NOD2: variants seen among roughly 807,000 people sequenced by gnomAD.
NOD2 encodes the protein nucleotide binding oligomerization domain containing 2, also known as nucleotide-binding oligomerization domain-containing protein 2.
Under a neutral mutation model 90.9 loss-of-function variants are expected in NOD2, and 86 were observed. That is an observed-to-expected ratio of 0.95 (90% CI 0.79 to 1.13). The LOEUF (loss-of-function observed/expected upper bound fraction) is 1.13, where lower values mean the gene tolerates loss of function less well. Among genes scored for constraint, NOD2 ranks in the 50% most tolerant of loss-of-function variants. The probability of loss-of-function intolerance (pLI) is 0.00; values close to 1 mark genes in which losing one functional copy is unlikely to be tolerated. For synonymous variants in NOD2, 581 were observed against 554.6 expected (o/e 1.05, Z -0.67); for missense variants, 1,238 against 1,283.8 (o/e 0.96, Z 0.55).
chr16:50,705,676 GCTGATCATTC>G (rs1489710883), intron 2 of NOD2, among the ~76,000 whole-genome samples: 4 of 152,150 alleles, frequency 2.6e-5, no homozygotes, highest in African/African-American at 2.4e-5. Context: ...GGTCCCTCAT[GCTGATCATTC>G]CAGAGCCCTT....
chr16:50,709,053 T>A (rs1490513593), intron 3 of NOD2, among the ~76,000 whole-genome samples: 2 of 152,206 alleles, frequency 1.3e-5, no homozygotes, highest in Admixed American at 6.5e-5. Flanking sequence ...AATGACATTT[T>A]TTTTTTCTGG....
intron 4 of NOD2, among the ~76,000 whole-genome samples, chr16:50,713,848 G>C (rs1333018250): frequency 6.6e-6 from 1 of 152,174 alleles, no homozygotes; most frequent in Non-Finnish European, 1.5e-5. Context: ...CCTTCCACCA[G>C]CTGGACCCAT....
At chr16:50,709,584 A>C (rs1964365803) in intron 3 of NOD2, among the ~76,000 whole-genome samples, 1 of 152,186 alleles carries the variant, frequency 6.6e-6, no homozygotes, top group Admixed American at 6.5e-5. Flanking sequence ...AGGATGGGGA[A>C]GTGGAGGCAG....
chr16:50,705,805 T>G (rs900200903), intron 2 of NOD2, among the ~76,000 whole-genome samples: 2 of 152,194 alleles, frequency 1.3e-5, no homozygotes, highest in African/African-American at 2.4e-5. Context: ...AATCAGCAAG[T>G]CCTTGAGCAC....
intron 2 of NOD2, among the ~76,000 whole-genome samples, chr16:50,700,758 C>T (rs1567382007): frequency 6.6e-6 from 1 of 152,168 alleles, no homozygotes; most frequent in Non-Finnish European, 1.5e-5. Flanking sequence ...AAATTAACAG[C>T]ACAACAGACC....
chr16:50,705,832 A>G (rs1964162734), intron 2 of NOD2, among the ~76,000 whole-genome samples: 5 of 152,218 alleles, frequency 3.3e-5, no homozygotes, highest in African/African-American at 2.4e-5. Context: ...TGTGCCAGAC[A>G]TTCTTCTAGG....
At position 50,710,561 on chromosome 16, in the gene NOD2, C is replaced by G. The variant is rs1470423190; in HGVS notation, c.569C>G (p.Ala190Gly). ...TGCCTCTTCTTCTGCCTTCCAGCTGCCACATGCAAGAAGTATATGGCCAAG... is the reference window on the plus strand; with the variant it reads ...TGCCTCTTCTTCTGCCTTCCAGCTGGCACATGCAAGAAGTATATGGCCAAG... ...PVPLALPLEA[A>G]TCKKYMAKLR... The change falls in exon 4 of 12, where the codon GCC (alanine) becomes GGC (glycine). Residue 190 changes from alanine (A) to glycine (G), a missense_variant. Ala to Gly is a moderately conservative substitution (Grantham distance 60, BLOSUM62 0). This residue lies in a region of NOD2 where 567 missense variants were observed against 577.3 expected (regional missense o/e 0.98). Coordinates refer to ENST00000647318, the MANE Select transcript of NOD2 (RefSeq NM_001370466.1). 6 of 1,614,230 alleles carry G rather than the reference C, an allele frequency of 3.7e-6. No individual in the cohort carries two copies. The highest frequency in any genetic ancestry group is 5.1e-6 in the Non-Finnish European group (6 of 1,180,046).
chr16:50,723,825 A>ATATAT (rs1177942230), intron 9 of NOD2, among the ~76,000 whole-genome samples: 3 of 152,184 alleles, frequency 2.0e-5, no homozygotes, highest in Non-Finnish European at 4.4e-5. Flanking sequence ...GCATATTTGT[A>ATATAT]AGTGCTCCAT....
intron 1 of NOD2, among the ~76,000 whole-genome samples, chr16:50,696,023 G>C (rs1963630425): frequency 6.6e-6 from 1 of 151,942 alleles, no homozygotes; most frequent in African/African-American, 2.4e-5. Flanking sequence ...TTGTGCACTG[G>C]TGGGGGGATT....
chr16:50,730,824 G>A (rs1395100239), intron 11 of NOD2, among the ~76,000 whole-genome samples: 2 of 152,164 alleles, frequency 1.3e-5, no homozygotes, highest in Non-Finnish European at 2.9e-5. Context: ...TGTGACCCTT[G>A]CTTTAAATAT....
chr16:50,707,017 A>G (rs1964227579), intron 2 of NOD2, among the ~76,000 whole-genome samples: 2 of 152,198 alleles, frequency 1.3e-5, no homozygotes, highest in East Asian at 3.8e-4. Context: ...TATTTTCTAC[A>G]TGGATTACAT....
chr16:50,727,946 G>C (rs377074507), intron 10 of NOD2: 1 of 256,412 alleles, frequency 3.9e-6, no homozygotes. Context: ...GCTTCTTCTC[G>C]GTCCAACCAC....
chr16:50,697,395 C>T (rs180755544), intron 1 of NOD2: 15 of 1,344,588 alleles, frequency 1.1e-5, no homozygotes, highest in Non-Finnish European at 4.2e-6. Context: ...GCTCCCAGGC[C>T]TGGGGTCAGA....
chr16:50,721,894 G>A (rs60699834), intron 7 of NOD2, among the ~76,000 whole-genome samples: 3,235 of 152,282 alleles, frequency 0.021, 98 homozygotes, highest in African/African-American at 0.064. Flanking sequence ...TTATTACAGT[G>A]TCATATCCCT....
rs971707999 is a variant in NOD2 at position 50,711,558 on chromosome 16, C to T, written c.1566C>T (p.His522=). 3.7e-6 allele frequency: 6 copies of T among 1,612,472 alleles called. No homozygotes were observed. The highest frequency in any genetic ancestry group is 1.3e-5 in the African/African-American group (1 of 75,062). The change falls in exon 4 of 12, where the codon CAC becomes CAT. Residue 522 remains histidine (H), a synonymous_variant. Transcript: ENST00000647318. The part of the protein sequence containing the change: ...LLRGRLPTLL[H]LGRLALWGLG... ...GGGGCCGCCTCCCCACCCTCCTGCA[C>T]CTGGGCAGACTGGCTCTGTGGGGCC...
chr16:50,700,193 A>C (rs1488389698), intron 2 of NOD2, among the ~76,000 whole-genome samples: 1 of 152,136 alleles, frequency 6.6e-6, no homozygotes, highest in Admixed American at 6.5e-5. Context: ...CAGTGGCACA[A>C]TCATAGCTCA....
chr16:50,712,218 G>T lies in NOD2; in HGVS notation c.2226G>T (p.Leu742Phe). 6.2e-7 allele frequency: 1 copy of T among 1,613,894 alleles called. No individual in the cohort carries two copies. Among genetic ancestry groups the T allele is most frequent in the South Asian group, 1.1e-5 (1 of 91,084 alleles). The change falls in exon 4 of 12, where the codon TTG (leucine) becomes TTT (phenylalanine). Residue 742 changes from leucine (L) to phenylalanine (F), a missense_variant. Transcript: ENST00000647318. Reference sequence around the variant, plus strand: ...GCCTGAATGTTGGGCACCTCAAGTTGACATTTTGCAGTGTGGGCCCCACTG... The same window carrying T: ...GCCTGAATGTTGGGCACCTCAAGTTTACATTTTGCAGTGTGGGCCCCACTG... The part of the protein sequence containing the change: ...ARGLNVGHLK[L>F]TFCSVGPTEC...
intron 5 of NOD2, 76 bp from the exon 6 acceptor site, chr16:50,716,815 A>T: frequency 1.3e-6 from 2 of 1,513,810 alleles, no homozygotes; most frequent in Non-Finnish European, 1.8e-6. Flanking sequence ...CCAGAGGGGA[A>T]GGGCAACCCT....
At chr16:50,697,422 T>C in intron 1 of NOD2, 1 of 1,080,184 alleles carries the variant, frequency 9.3e-7, no homozygotes, top group Non-Finnish European at 1.4e-6. Flanking sequence ...GTGCTGACTC[T>C]GTTTCTGGGC....
Sources: allele counts gnomAD v4.1 joint callset (sites outside exome capture counted in the v4.1 genomes callset), GRCh38; gene constraint gnomAD v4.1.1; regional missense constraint gnomAD v4.1.1; transcripts MANE v1.5; gene names NCBI Gene and HGNC (gene_info 2026-07-23, HGNC 2026-07-21).